Variants in FOXO1 observed in about 807,000 individuals in gnomAD.
The protein encoded by FOXO1 is forkhead box protein O1.
FOXO1 carries 6 observed loss-of-function variants against 44.1 expected under a neutral mutation model. The ratio of observed to expected loss-of-function variants is 0.14; its 90% CI spans 0.07 to 0.27. The LOEUF (loss-of-function observed/expected upper bound fraction) is 0.27. Ranked by LOEUF, FOXO1 falls within the 10% of genes least tolerant of loss-of-function variation. FOXO1 has a pLI of 1.00. For synonymous variants in FOXO1, 380 were observed against 362.7 expected, an observed-to-expected ratio of 1.05 and a Z score of -0.54; for missense variants, 737 against 888.8, an observed-to-expected ratio of 0.83 and a Z score of 2.17.
chr13:40,662,561 C>T (rs988317155), intron 1 of FOXO1, among the ~76,000 whole-genome samples: 1 of 152,198 alleles, frequency 6.6e-6, no homozygotes, highest in Non-Finnish European at 1.5e-5. Context: ...AACATACCAT[C>T]CCCACAAACA....
At chr13:40,582,519 G>A (rs1462731946) in intron 1 of FOXO1, among the ~76,000 whole-genome samples, 1 of 152,214 alleles carries the variant, frequency 6.6e-6, no homozygotes, top group Non-Finnish European at 1.5e-5. Context: ...CAAAATTAGA[G>A]TCAATCCTCT....
intron 1 of FOXO1, among the ~76,000 whole-genome samples, chr13:40,659,451 C>A (rs944589400): frequency 6.6e-6 from 1 of 151,288 alleles, no homozygotes; most frequent in Admixed American, 6.6e-5. Context: ...ATTCCCTAAA[C>A]AGCTCTCCCT....
intron 1 of FOXO1, among the ~76,000 whole-genome samples, chr13:40,646,748 C>G (rs1566084315): frequency 6.6e-6 from 1 of 152,140 alleles, no homozygotes; most frequent in East Asian, 1.9e-4. Flanking sequence ...CATGTGCCAC[C>G]ACGCCCAGCT....
chr13:40,652,434 C>T (rs1242768899), intron 1 of FOXO1, among the ~76,000 whole-genome samples: 1 of 151,976 alleles, frequency 6.6e-6, no homozygotes, highest in East Asian at 1.9e-4. Context: ...CACGAGGTTT[C>T]GCCATGTGGC....
chr13:40,636,202 G>A (rs1329420773), intron 1 of FOXO1, among the ~76,000 whole-genome samples: 6 of 151,878 alleles, frequency 4.0e-5, no homozygotes, highest in South Asian at 2.1e-4. Context: ...GCCACAGAGC[G>A]AGATTCCATC....
At chr13:40,602,490 G>A (rs746641958) in intron 1 of FOXO1, among the ~76,000 whole-genome samples, 12 of 152,128 alleles carry the variant, frequency 7.9e-5, no homozygotes, top group Non-Finnish European at 1.0e-4. Context: ...TAAATGTGGA[G>A]GGTGGGGGAA....
intron 1 of FOXO1, among the ~76,000 whole-genome samples, chr13:40,570,510 G>C (rs753169141): frequency 6.6e-6 from 1 of 152,132 alleles, no homozygotes; most frequent in African/African-American, 2.4e-5. Flanking sequence ...ATGTTCTCTG[G>C]TTTGTCTGAT....
In FOXO1 at chr13:40,560,880, A is replaced by G; in HGVS notation, c.631-20T>C. On this transcript the variant is annotated intron_variant, in intron 1 of 2. Transcript: ENST00000379561. The surrounding 1 kb of genome is among the most constrained non-coding windows in gnomAD (Gnocchi z 5.1). Reference sequence around the variant, plus strand: ...TGAATTCTGTAAGGCAAAACATCTTATTAGAAGTACAATACTTCTCTGCTT... The same window carrying G: ...TGAATTCTGTAAGGCAAAACATCTTGTTAGAAGTACAATACTTCTCTGCTT... 6.3e-7 allele frequency: 1 copy of G among 1,578,224 alleles called. No individual in the cohort carries two copies. Among genetic ancestry groups the G allele is most frequent in the East Asian group, 2.2e-5 (1 of 44,608 alleles).
chr13:40,557,341 G>C lies in FOXO1; in HGVS notation c.*1708C>G, dbSNP rs762958746. 1 of 152,186 alleles carries C rather than the reference G, an allele frequency of 6.6e-6. No individual in the cohort carries two copies. Among genetic ancestry groups the C allele is most frequent in the East Asian group, 1.9e-4 (1 of 5,198 alleles). The allele number at this position is 152,186 out of a possible 1,614,324, so 9.4% of individuals were successfully genotyped here. On this transcript the variant is annotated 3_prime_UTR_variant, in exon 3 of 3. Coordinates refer to ENST00000379561, the MANE Select transcript of FOXO1 (RefSeq NM_002015.4). ...CAATTAATTTGGTCTGTCAGTTACA[G>C]GTAATTGGAAAGTAATAAAACATAA...
chr13:40,573,722 C>CA (rs1380250817), intron 1 of FOXO1, among the ~76,000 whole-genome samples: 2 of 151,952 alleles, frequency 1.3e-5, no homozygotes, highest in South Asian at 2.1e-4. Context: ...ACAAACAAAA[C>CA]AAAAAAACCT....
intron 1 of FOXO1, among the ~76,000 whole-genome samples, chr13:40,613,457 G>A (rs1876307394): frequency 6.6e-6 from 1 of 151,994 alleles, no homozygotes; most frequent in Non-Finnish European, 1.5e-5. Flanking sequence ...AGGACTTTAA[G>A]TCTGAAATGT....
In FOXO1 at chr13:40,558,579, T is replaced by G. The variant is rs1282261799; in HGVS notation, c.*470A>C. The G allele has an allele frequency of 3.1e-6, 1 of 327,172 alleles. No individual in the cohort carries two copies. Among genetic ancestry groups the G allele is most frequent in the South Asian group, 1.6e-4 (1 of 6,406 alleles). The allele number at this position is 327,172 out of a possible 1,614,324, so 20.3% of individuals were successfully genotyped here. A position where few individuals can be genotyped will look rare whatever the true frequency, so the allele number is the denominator to read the frequency against. ...CGTCAGTTCCGCAGAAAACAGGTAG[T>G]ACAAACAAAAGTTTAACTTATCAAG... On this transcript the variant is annotated 3_prime_UTR_variant, in exon 3 of 3. Transcript: ENST00000379561.
intron 1 of FOXO1, among the ~76,000 whole-genome samples, chr13:40,659,348 G>C (rs951899411): frequency 2.0e-5 from 3 of 148,030 alleles, no homozygotes; most frequent in African/African-American, 5.0e-5. Flanking sequence ...AAAAGAAAAG[G>C]AAGACTTAGA....
chr13:40,566,335 C>T (rs1251276612), intron 1 of FOXO1, among the ~76,000 whole-genome samples: 1 of 152,090 alleles, frequency 6.6e-6, no homozygotes, highest in Non-Finnish European at 1.5e-5. Flanking sequence ...AATCATCAGC[C>T]ACTGAAGTGC....
intron 1 of FOXO1, among the ~76,000 whole-genome samples, chr13:40,636,775 G>A (rs978783677): frequency 3.9e-5 from 6 of 151,962 alleles, no homozygotes; most frequent in East Asian, 1.9e-4. Context: ...GATTACAGGC[G>A]TGAGCCACCA....
At chr13:40,661,545 C>A (rs1394690927) in intron 1 of FOXO1, among the ~76,000 whole-genome samples, 1 of 151,834 alleles carries the variant, frequency 6.6e-6, no homozygotes, top group Non-Finnish European at 1.5e-5. Context: ...AATCCGCCCA[C>A]CTTAGCCTCC....
At chr13:40,602,017 A>C (rs958474018) in intron 1 of FOXO1, among the ~76,000 whole-genome samples, 2 of 152,240 alleles carry the variant, frequency 1.3e-5, no homozygotes, top group Non-Finnish European at 2.9e-5. Context: ...CTGAAACTAC[A>C]TGACATAGAA....
chr13:40,641,196 A>G (rs1419849165), intron 1 of FOXO1, among the ~76,000 whole-genome samples: 1 of 152,124 alleles, frequency 6.6e-6, no homozygotes, highest in African/African-American at 2.4e-5. Flanking sequence ...GTAGGGGGTG[A>G]CAGAGCCAAC....
At chr13:40,646,655 G>A (rs1375262725) in intron 1 of FOXO1, among the ~76,000 whole-genome samples, 6 of 152,090 alleles carry the variant, frequency 3.9e-5, no homozygotes, top group African/African-American at 1.2e-4. Context: ...GTGCAGTGGC[G>A]CAATCTCAGC....
Sources: allele counts gnomAD v4.1 joint callset (sites outside exome capture counted in the v4.1 genomes callset), GRCh38; gene constraint gnomAD v4.1.1; non-coding constraint Gnocchi (gnomAD v3.1); transcripts MANE v1.5; gene names NCBI Gene and HGNC (gene_info 2026-07-23, HGNC 2026-07-21).